The following PARP8 variants were observed in gnomAD, a reference collection of about 807,000 sequenced individuals.
PARP8 encodes protein mono-ADP-ribosyltransferase PARP8.
A neutral mutation model predicts 124.1 loss-of-function variants in PARP8; 51 were observed. The ratio of observed to expected loss-of-function variants is 0.41; its 90% CI spans 0.33 to 0.52. PARP8 has a LOEUF of 0.52. Among genes scored for constraint, PARP8 ranks in the 20% least tolerant of loss-of-function variants. PARP8 has a pLI of 0.21. For synonymous variants in PARP8, 391 were observed against 361.5 expected (o/e 1.08, Z -0.93); for missense variants, 860 against 1,018.9 (o/e 0.84, Z 2.12).
intron 14 of PARP8, among the ~76,000 whole-genome samples, chr5:50,814,397 G>C (rs1744851574): frequency 6.6e-6 from 1 of 152,070 alleles, no homozygotes; most frequent in Non-Finnish European, 1.5e-5. Flanking sequence ...AGTGTGTATA[G>C]CTTGAATCTG....
intron 2 of PARP8, among the ~76,000 whole-genome samples, chr5:50,729,784 CCTT>C (rs1756796938): frequency 6.6e-6 from 1 of 152,144 alleles, no homozygotes; most frequent in Non-Finnish European, 1.5e-5. Flanking sequence ...GCTTCAGTAT[CCTT>C]CTTGTCACCT....
chr5:50,750,855 T>C (rs1017274610), intron 3 of PARP8, among the ~76,000 whole-genome samples: 24 of 152,152 alleles, frequency 1.6e-4, no homozygotes, highest in African/African-American at 5.8e-4. Context: ...CTATTTTTAA[T>C]AGTAATACAA....
chr5:50,678,830 A>C (rs981606172), intron 2 of PARP8, among the ~76,000 whole-genome samples: 1 of 152,168 alleles, frequency 6.6e-6, no homozygotes, highest in Non-Finnish European at 1.5e-5. Context: ...ATATGCAGAC[A>C]GTGTTCAGCA....
At chr5:50,756,534 G>C (rs1448255121) in intron 3 of PARP8, among the ~76,000 whole-genome samples, 1 of 152,132 alleles carries the variant, frequency 6.6e-6, no homozygotes, top group Admixed American at 6.6e-5. Context: ...CAAAGATCAT[G>C]AGCAAACCTC....
chr5:50,815,475 C>A lies in PARP8; in HGVS notation c.1619C>A (p.Thr540Asn). The A allele has an allele frequency of 6.3e-7, 1 of 1,599,566 alleles. No homozygotes were observed. The highest frequency in any genetic ancestry group is 2.3e-5 in the East Asian group (1 of 43,198). ...ERELCVFAFQTLGVMNEAADE... is the reference protein window; with the variant it reads ...ERELCVFAFQNLGVMNEAADE... ...GAGCTGTGTGTGTTTGCTTTTCAAA[C>A]CCTGGGAGTAATGAATGAAGCTGCT... Residue 540 changes from threonine to asparagine, a missense_variant, in exon 15 of 26, where the codon ACC (threonine) becomes AAC (asparagine). By Grantham distance (65) the Thr-to-Asn change is moderately conservative. Around this residue, in one of 2 missense-constraint regions of PARP8, gnomAD observed 343 missense variants for 474.7 expected, o/e 0.72. Transcript: ENST00000281631.
In PARP8 at chr5:50,845,103, T is replaced by C. The variant is rs1748518780; in HGVS notation, c.*3035T>C. The C allele has an allele frequency of 6.6e-6, 1 of 151,682 alleles. No homozygotes were observed. Among genetic ancestry groups the C allele is most frequent in the Non-Finnish European group, 1.5e-5 (1 of 67,758 alleles). The allele number at this position is 151,682 out of a possible 1,614,324, so 9.4% of individuals were successfully genotyped here. A position where few individuals can be genotyped will look rare whatever the true frequency, so the allele number is the denominator to read the frequency against. On this transcript the variant is annotated 3_prime_UTR_variant, in exon 26 of 26. Coordinates refer to ENST00000281631, the MANE Select transcript of PARP8 (RefSeq NM_024615.4). ...CTATTGTTAATGCTCTGAATGTTTT[T>C]CTTTGAAAATTTAAGTTTAGAGAAG...
At chr5:50,736,363 C>A (rs978259737) in intron 2 of PARP8, among the ~76,000 whole-genome samples, 1 of 152,050 alleles carries the variant, frequency 6.6e-6, no homozygotes, top group Non-Finnish European at 1.5e-5. Flanking sequence ...GGTGCAGCAT[C>A]TTTGTAATGG....
chr5:50,739,458 G>T (rs148247506), intron 2 of PARP8, among the ~76,000 whole-genome samples: 16 of 152,000 alleles, frequency 1.1e-4, no homozygotes, highest in African/African-American at 3.6e-4. Context: ...TACATCAGCT[G>T]CATTCTTCCA....
chr5:50,784,278 C>T (rs902603735), intron 9 of PARP8, among the ~76,000 whole-genome samples: 9 of 151,876 alleles, frequency 5.9e-5, no homozygotes, highest in African/African-American at 1.5e-4. Flanking sequence ...AGAAATGATA[C>T]GAATTGAAGA....
At position 50,750,149 on chromosome 5, in the gene PARP8, AGT is replaced by A; in HGVS notation, c.148_149del (p.Val50IlefsTer8). Reference sequence around the variant, plus strand: ...GCCTTTTTTGTTTGTTTGTTTTAACAGTGTATCCTACTCAGTACATGTATCTG... The same window carrying A: ...GCCTTTTTTGTTTGTTTGTTTTAACAGTATCCTACTCAGTACATGTATCTG... On this transcript the variant is annotated splice_acceptor_variant and coding_sequence_variant, in exon 3 of 26. Transcript: ENST00000281631. LOFTEE classifies it high-confidence loss of function. 2 of 1,584,104 alleles carry A rather than the reference AGT, an allele frequency of 1.3e-6. No individual in the cohort carries two copies. The highest frequency in any genetic ancestry group is 1.7e-6 in the Non-Finnish European group (2 of 1,156,380).
Position 50,667,204 on chromosome 5 carries a change from C to T in PARP8, c.91+18C>T. On this transcript the variant is annotated intron_variant, in intron 1 of 25. Coordinates refer to ENST00000281631, the MANE Select transcript of PARP8 (RefSeq NM_024615.4). The stretch of plus-strand genomic sequence containing the variant: ...GTTTGCAGGTGAGTTCTTGCTTTTC[C>T]AGAACCTCGGACCCAGCGCCCCCTT... The T allele has an allele frequency of 6.3e-7, 1 of 1,596,086 alleles. No homozygotes were observed.
In PARP8 at chr5:50,778,146, T is replaced by C. The variant is rs1271729160; in HGVS notation, c.579+17T>C. On this transcript the variant is annotated intron_variant, in intron 8 of 25. Coordinates refer to ENST00000281631, the MANE Select transcript of PARP8 (RefSeq NM_024615.4). ...TTTCTTGATGTAAGTATCAATTTTATGTAATATGAATGGTGCATTTAAAAT... is the reference window on the plus strand; with the variant it reads ...TTTCTTGATGTAAGTATCAATTTTACGTAATATGAATGGTGCATTTAAAAT... 6.5e-7 allele frequency: 1 copy of C among 1,532,442 alleles called. No individual in the cohort carries two copies. The highest frequency in any genetic ancestry group is 1.4e-5 in the African/African-American group (1 of 72,734). The allele number at this position is 1,532,442 out of a possible 1,614,324, so 94.9% of individuals were successfully genotyped here.
intron 14 of PARP8, among the ~76,000 whole-genome samples, chr5:50,803,659 AAATTCT>A (rs1158618141): frequency 6.6e-6 from 1 of 152,058 alleles, no homozygotes; most frequent in Non-Finnish European, 1.5e-5. Context: ...TTATTTTTAT[AAATTCT>A]ATAAATTGAT....
rs542824861 is a variant in PARP8 at position 50,669,901 on chromosome 5, C to T, written c.146+1776C>T. ...ACAAGTGTACCTGAGCCTTTTATAT[C>T]TAATCTAATGTAGACCAGCCTGTTA... On this transcript the variant is annotated intron_variant, in intron 2 of 25. Coordinates refer to ENST00000281631, the MANE Select transcript of PARP8 (RefSeq NM_024615.4). Among the ~76,000 whole-genome samples, 18 of 152,278 alleles carry T rather than the reference C, an allele frequency of 1.2e-4. 1 individual carries two copies. Among genetic ancestry groups the T allele is most frequent in the African/African-American group, 4.3e-4 (18 of 41,560 alleles).
At chr5:50,696,220 T>C (rs1305505872) in intron 2 of PARP8, among the ~76,000 whole-genome samples, 1 of 152,154 alleles carries the variant, frequency 6.6e-6, no homozygotes, top group Non-Finnish European at 1.5e-5. Context: ...TTTTAGACTG[T>C]TTGGGCTGTT....
At chr5:50,769,653 A>G (rs1488168913) in intron 7 of PARP8, among the ~76,000 whole-genome samples, 2 of 151,336 alleles carry the variant, frequency 1.3e-5, no homozygotes, top group Non-Finnish European at 3.0e-5. Flanking sequence ...TTGTATTTAT[A>G]TATATTATAA....
intron 3 of PARP8, among the ~76,000 whole-genome samples, chr5:50,752,428 G>A (rs1759362409): frequency 6.6e-6 from 1 of 151,848 alleles, no homozygotes; most frequent in African/African-American, 2.4e-5. Context: ...CTGTTTTTCT[G>A]TTTCTTAGTC....
intron 2 of PARP8, among the ~76,000 whole-genome samples, chr5:50,733,272 G>T (rs1757161040): frequency 6.6e-6 from 1 of 151,558 alleles, no homozygotes; most frequent in African/African-American, 2.4e-5. Flanking sequence ...CTCCAGCCTG[G>T]GTGACAGGCT....
chr5:50,743,269 C>G (rs998101956), intron 2 of PARP8, among the ~76,000 whole-genome samples: 23 of 152,084 alleles, frequency 1.5e-4, no homozygotes, highest in African/African-American at 4.1e-4. Context: ...GGATAAATGA[C>G]AAAAAGATTG....
Sources: allele counts gnomAD v4.1 joint callset (sites outside exome capture counted in the v4.1 genomes callset), GRCh38; gene constraint gnomAD v4.1.1; regional missense constraint gnomAD v4.1.1; transcripts MANE v1.5; gene names NCBI Gene and HGNC (gene_info 2026-07-23, HGNC 2026-07-21).